The following GRID2 variants were observed in gnomAD, a reference collection of about 807,000 sequenced individuals.
GRID2 encodes glutamate ionotropic receptor delta type subunit 2.
GRID2 carries 33 observed loss-of-function variants against 114.8 expected under a neutral mutation model. The observed-to-expected ratio is 0.29, with a 90% CI of 0.22 to 0.38. The LOEUF (loss-of-function observed/expected upper bound fraction) is 0.38, where lower values mean the gene tolerates loss of function less well. Among genes scored for constraint, GRID2 ranks in the 10% least tolerant of loss-of-function variants. The pLI is 1.00. For missense variants in GRID2, 1,184 were observed against 1,257.7 expected, an observed-to-expected ratio of 0.94 and a Z score of 0.89; for synonymous variants, 505 against 449.9, an observed-to-expected ratio of 1.12 and a Z score of -1.55.
intron 2 of GRID2, among the ~76,000 whole-genome samples, chr4:92,645,956 A>C (rs893228206): frequency 6.6e-6 from 1 of 151,770 alleles, no homozygotes; most frequent in Non-Finnish European, 1.5e-5. Context: ...AAACGCATTC[A>C]CTTTTCTTGC....
At chr4:92,384,500 ATATAT>A (rs1181723023) in intron 1 of GRID2, among the ~76,000 whole-genome samples, 5 of 41,662 alleles carry the variant, frequency 1.2e-4, no homozygotes, top group African/African-American at 5.3e-4. Context: ...TAATAAAAAT[ATATAT>A]TATATATAAT....
intron 14 of GRID2, among the ~76,000 whole-genome samples, chr4:93,728,881 T>C (rs1730204899): frequency 6.6e-6 from 1 of 152,186 alleles, no homozygotes; most frequent in African/African-American, 2.4e-5. Flanking sequence ...TATGTGTGTC[T>C]CTGCATGTGA....
At chr4:93,203,668 A>C (rs1372563720) in intron 4 of GRID2, among the ~76,000 whole-genome samples, 1 of 152,216 alleles carries the variant, frequency 6.6e-6, no homozygotes, top group Non-Finnish European at 1.5e-5. Flanking sequence ...CATTAAAGAT[A>C]AGATGGGCTA....
At chr4:93,075,780 A>T (rs994152867) in intron 2 of GRID2, among the ~76,000 whole-genome samples, 1 of 152,060 alleles carries the variant, frequency 6.6e-6, no homozygotes, top group South Asian at 2.1e-4. Flanking sequence ...ATACTACAAA[A>T]TATTGCTTAA....
At chr4:93,603,950 T>A (rs1453745756) in intron 13 of GRID2, among the ~76,000 whole-genome samples, 2 of 152,098 alleles carry the variant, frequency 1.3e-5, no homozygotes, top group Non-Finnish European at 2.9e-5. Flanking sequence ...ACTCCAGAGC[T>A]CCGATGGGGA....
intron 8 of GRID2, among the ~76,000 whole-genome samples, chr4:93,354,860 G>C (rs1761173332): frequency 6.8e-6 from 1 of 146,926 alleles, no homozygotes; most frequent in African/African-American, 2.5e-5. Context: ...AATAAGGCCT[G>C]TAAAGTGACC....
chr4:93,315,682 T>C (rs1020205676), intron 8 of GRID2, among the ~76,000 whole-genome samples: 27 of 152,158 alleles, frequency 1.8e-4, no homozygotes, highest in African/African-American at 6.5e-4. Flanking sequence ...AGGCACTTAA[T>C]AAATATTTAT....
chr4:92,787,774 G>A (rs1739388186), intron 2 of GRID2, among the ~76,000 whole-genome samples: 1 of 151,838 alleles, frequency 6.6e-6, no homozygotes, highest in Non-Finnish European at 1.5e-5. Context: ...GAAAATGATT[G>A]AGAGGTGTTA....
intron 1 of GRID2, among the ~76,000 whole-genome samples, chr4:92,419,117 G>T (rs140076687): frequency 6.6e-6 from 1 of 152,044 alleles, no homozygotes; most frequent in African/African-American, 2.4e-5. Context: ...ATGTAGACAA[G>T]TTTGTCATTT....
rs778340925 is a variant in GRID2 at position 93,772,299 on chromosome 4, G to A, written c.2825G>A (p.Arg942His). Residue 942 changes from arginine to histidine, a missense_variant, in exon 16 of 16, where the codon CGC (arginine) becomes CAC (histidine). Arg to His is a conservative substitution (Grantham distance 29). Transcript: ENST00000282020. ...FIPEQIQTLSRTLSAKAASGF... is the reference protein window; with the variant it reads ...FIPEQIQTLSHTLSAKAASGF... The stretch of plus-strand genomic sequence containing the variant: ...CCAGAGCAGATCCAGACTCTTAGCC[G>A]CACACTGTCAGCTAAAGCTGCTTCT... 2.9e-5 allele frequency: 47 copies of A among 1,613,888 alleles called. No homozygotes were observed. Among genetic ancestry groups the A allele is most frequent in the Non-Finnish European group, 3.4e-5 (40 of 1,179,950 alleles).
intron 2 of GRID2, among the ~76,000 whole-genome samples, chr4:92,674,442 A>T (rs1733228806): frequency 6.6e-6 from 1 of 152,074 alleles, no homozygotes; most frequent in Admixed American, 6.6e-5. Context: ...ATTTCAGATA[A>T]TTTATTTTTA....
chr4:93,166,282 A>T lies in GRID2; in HGVS notation c.736-41122A>T, dbSNP rs1209613801. 2.6e-5 allele frequency: 4 copies of T among 152,194 alleles called. No individual in the cohort carries two copies. In the East Asian group the frequency reaches 7.7e-4, roughly 29 times the overall value. 9.4% of individuals were successfully genotyped at this position (152,194 alleles called of 1,614,324 possible). ...TGACACTTTAAAGCTAAAAATTTAC[A>T]TTTTCTCAAACCCCAACATCTAAAG... On this transcript the variant is annotated intron_variant, in intron 4 of 15. Coordinates refer to ENST00000282020, the MANE Select transcript of GRID2 (RefSeq NM_001510.4).
chr4:92,682,752 G>A (rs879938718), intron 2 of GRID2, among the ~76,000 whole-genome samples: 1 of 151,052 alleles, frequency 6.6e-6, no homozygotes, highest in Non-Finnish European at 1.5e-5. Context: ...CATAATAGCC[G>A]ATATGTTGCA....
intron 2 of GRID2, among the ~76,000 whole-genome samples, chr4:93,012,922 A>G (rs764237222): frequency 6.6e-6 from 1 of 151,990 alleles, no homozygotes; most frequent in Admixed American, 6.6e-5. Context: ...TATATATATA[A>G]AACATTTATC....
At chr4:93,227,686 G>C (rs1336790813) in intron 7 of GRID2, among the ~76,000 whole-genome samples, 1 of 152,026 alleles carries the variant, frequency 6.6e-6, no homozygotes, top group East Asian at 1.9e-4. Flanking sequence ...AAGCCTGAAT[G>C]CTCTGCTGTT....
chr4:92,551,864 G>A (rs1023773461), intron 1 of GRID2, among the ~76,000 whole-genome samples: 1 of 152,054 alleles, frequency 6.6e-6, no homozygotes, highest in African/African-American at 2.4e-5. Context: ...TCATATTTAT[G>A]AGTAATGCAT....
chr4:92,349,300 C>T (rs1048364846), intron 1 of GRID2, among the ~76,000 whole-genome samples: 1 of 151,902 alleles, frequency 6.6e-6, no homozygotes, highest in African/African-American at 2.4e-5. Context: ...GTTTGTCTAA[C>T]TCTATACTAT....
At chr4:92,624,027 C>T (rs1730402100) in intron 2 of GRID2, among the ~76,000 whole-genome samples, 2 of 151,806 alleles carry the variant, frequency 1.3e-5, no homozygotes, top group South Asian at 4.1e-4. Flanking sequence ...GACTGCAGAA[C>T]ATACTGTAGA....
intron 2 of GRID2, among the ~76,000 whole-genome samples, chr4:93,014,684 C>T (rs1280543739): frequency 6.6e-6 from 1 of 152,006 alleles, no homozygotes; most frequent in African/African-American, 2.4e-5. Context: ...GGCTTATGGT[C>T]AAATGTAATT....
Sources: gnomAD v4.1 joint callset for allele counts (sites outside exome capture counted in the v4.1 genomes callset) on GRCh38, gnomAD v4.1.1 for gene constraint, MANE v1.5 for transcripts, NCBI Gene and HGNC (gene_info 2026-07-23, HGNC 2026-07-21) for gene names.